The following NSG1 variants were observed in gnomAD, a reference collection of about 807,000 sequenced individuals.
The protein encoded by NSG1 is neuronal vesicle trafficking-associated protein 1.
In NSG1, 9 loss-of-function variants were observed where a neutral mutation model predicts 19.3. The observed-to-expected ratio is 0.47, with a 90% CI of 0.28 to 0.81. The LOEUF is 0.81. NSG1 is among the 40% of genes least tolerant of loss of function. The pLI, the probability that NSG1 is intolerant of heterozygous loss-of-function variation, is 0.11. For synonymous variants in NSG1, 104 were observed against 107.0 expected (o/e 0.97, Z 0.17); for missense variants, 236 against 242.4 (o/e 0.97, Z 0.18).
chr4:4,396,557 T>C (rs1723259314), intron 3 of NSG1, among the ~76,000 whole-genome samples: 1 of 152,216 alleles, frequency 6.6e-6, no homozygotes, highest in African/African-American at 2.4e-5. Flanking sequence ...CTCGTTAGTC[T>C]GCGTGGTCCC....
At chr4:4,402,378 T>TTTTTTA (rs1723601539) in intron 3 of NSG1, among the ~76,000 whole-genome samples, 1 of 14,802 alleles carries the variant, frequency 6.8e-5, no homozygotes, top group African/African-American at 2.8e-4. Context: ...GTTATTTTTT[T>TTTTTTA]TTTTTTTTTT....
intron 4 of NSG1, among the ~76,000 whole-genome samples, chr4:4,416,557 G>A (rs1724556505): frequency 1.3e-5 from 2 of 152,144 alleles, no homozygotes; most frequent in Non-Finnish European, 2.9e-5. Context: ...CCCCGGCCCT[G>A]CCTGAACCAC....
At chr4:4,390,006 T>C (rs970218950) in intron 2 of NSG1, among the ~76,000 whole-genome samples, 3 of 152,202 alleles carry the variant, frequency 2.0e-5, no homozygotes, top group African/African-American at 7.2e-5. Flanking sequence ...CCTAGCCTGT[T>C]AGTGGCAGGT....
chr4:4,397,318 C>T (rs1465064848), intron 3 of NSG1, among the ~76,000 whole-genome samples: 4 of 152,254 alleles, frequency 2.6e-5, no homozygotes, highest in East Asian at 3.9e-4. Flanking sequence ...AGCACTGTCT[C>T]GTTCCCTGTT....
intron 3 of NSG1, among the ~76,000 whole-genome samples, chr4:4,403,547 T>C (rs1394860204): frequency 6.6e-6 from 1 of 152,194 alleles, no homozygotes; most frequent in Non-Finnish European, 1.5e-5. Context: ...CACCTGTGAT[T>C]ACCTTTAGAG....
At chr4:4,408,553 T>A (rs4566594) in intron 3 of NSG1, among the ~76,000 whole-genome samples, 1 of 152,050 alleles carries the variant, frequency 6.6e-6, no homozygotes, top group Admixed American at 6.5e-5. Context: ...CTCTGCCTCC[T>A]GGGTTCAAGC....
In NSG1 at chr4:4,404,022, G is replaced by A. The variant is rs1723714812; in HGVS notation, c.247-5551G>A. On this transcript the variant is annotated intron_variant, in intron 3 of 4. Transcript: ENST00000621129. ...ACTTGCTATGCCGCTATCGCTACTT[G>A]GAGTGGAGTCCAGATGATGGGGACA... 2.0e-5 allele frequency among the ~76,000 whole-genome samples: 3 copies of A among 152,190 alleles called. No individual in the cohort carries two copies. In the South Asian group the frequency reaches 6.2e-4, roughly 31 times the overall value.
intron 1 of NSG1, 43 bp from the exon 2 acceptor site, chr4:4,387,561 C>CCGGGGGTGGGGGG: frequency 2.6e-6 from 3 of 1,141,984 alleles, no homozygotes; most frequent in East Asian, 2.7e-5. Flanking sequence ...CGCCCCGCCC[C>CCGGGGGTGGGGGG]GGGTCTTGCT....
intron 3 of NSG1, among the ~76,000 whole-genome samples, chr4:4,395,611 C>G (rs11733735): frequency 0.83 from 126,033 of 151,954 alleles, 52,558 homozygotes; most frequent in East Asian, 0.97. Flanking sequence ...GGAGGGTCCG[C>G]AATAGAGATT....
intron 3 of NSG1, among the ~76,000 whole-genome samples, chr4:4,404,887 C>T (rs919119361): frequency 6.6e-6 from 1 of 151,832 alleles, no homozygotes; most frequent in Non-Finnish European, 1.5e-5. Context: ...CTGGCCAGGG[C>T]TTTGAAGGGC....
chr4:4,411,254 C>T (rs1311316593), intron 4 of NSG1, among the ~76,000 whole-genome samples: 1 of 152,214 alleles, frequency 6.6e-6, no homozygotes, highest in Non-Finnish European at 1.5e-5. Context: ...TCTACATGTG[C>T]TTTTTCTATT....
Position 4,417,482 on chromosome 4 carries a change from G to T in NSG1, c.*47G>T. ...AATGTGTCACTTGCAAATAACAAAG[G>T]GACTTTGAGGGACATTTCATTAAAT... On this transcript the variant is annotated 3_prime_UTR_variant, in exon 5 of 5. Coordinates refer to ENST00000621129, the MANE Select transcript of NSG1 (RefSeq NM_014392.5). 6.7e-7 allele frequency: 1 copy of T among 1,497,754 alleles called. No homozygotes were observed. Among genetic ancestry groups the T allele is most frequent in the Non-Finnish European group, 9.3e-7 (1 of 1,075,954 alleles). 92.8% of individuals were successfully genotyped at this position (1,497,754 alleles called of 1,614,324 possible).
chr4:4,407,437 G>A (rs1175230131), intron 3 of NSG1, among the ~76,000 whole-genome samples: 1 of 152,186 alleles, frequency 6.6e-6, no homozygotes, highest in African/African-American at 2.4e-5. Flanking sequence ...GGCGGAGTGC[G>A]AGAGCAGCCT....
chr4:4,402,844 C>T (rs1723641803), intron 3 of NSG1, among the ~76,000 whole-genome samples: 1 of 152,236 alleles, frequency 6.6e-6, no homozygotes, highest in Non-Finnish European at 1.5e-5. Flanking sequence ...CTGCCTGGCC[C>T]ACCTGGAGAA....
At chr4:4,406,130 C>T (rs993312344) in intron 3 of NSG1, among the ~76,000 whole-genome samples, 2 of 152,084 alleles carry the variant, frequency 1.3e-5, no homozygotes, top group African/African-American at 2.4e-5. Context: ...TGGGTTCAAG[C>T]GATTCTCCTG....
At chr4:4,387,832 A>G in intron 2 of NSG1, 74 bp downstream of exon 2, 1 of 1,249,152 alleles carries the variant, frequency 8.0e-7, no homozygotes, top group East Asian at 2.4e-5. Flanking sequence ...CAACAAAAGA[A>G]ACGCGCCGCG....
intron 3 of NSG1, among the ~76,000 whole-genome samples, chr4:4,405,418 C>T (rs1320156183): frequency 6.6e-6 from 1 of 152,150 alleles, no homozygotes; most frequent in South Asian, 2.1e-4. Flanking sequence ...AGGGGCCCAG[C>T]GTGCTCTCAA....
rs958174167 is a variant in NSG1, at chr4:4,417,542, G to T, written c.*107G>T. Reference sequence around the variant, plus strand: ...GATACTTTAGAGGTTACTCATTTACGGTGCAATTGCTTCTGTTTGCTAATG... The same window carrying T: ...GATACTTTAGAGGTTACTCATTTACTGTGCAATTGCTTCTGTTTGCTAATG... On this transcript the variant is annotated 3_prime_UTR_variant, in exon 5 of 5. Coordinates refer to ENST00000621129, the MANE Select transcript of NSG1 (RefSeq NM_014392.5). 2.7e-6 allele frequency: 3 copies of T among 1,113,538 alleles called. No homozygotes were observed. Among genetic ancestry groups the T allele is most frequent in the East Asian group, 5.1e-5 (2 of 39,454 alleles). The allele number at this position is 1,113,538 out of a possible 1,614,324, so 69.0% of individuals were successfully genotyped here. A position where few individuals can be genotyped will look rare whatever the true frequency, so the allele number is the denominator to read the frequency against.
chr4:4,394,358 G>A (rs1184476686), intron 3 of NSG1, among the ~76,000 whole-genome samples: 2 of 152,110 alleles, frequency 1.3e-5, no homozygotes, highest in African/African-American at 2.4e-5. Flanking sequence ...CAGGTACCCC[G>A]GAAGCCTCCC....
Sources: allele counts gnomAD v4.1 joint callset (sites outside exome capture counted in the v4.1 genomes callset), GRCh38; gene constraint gnomAD v4.1.1; transcripts MANE v1.5; gene names NCBI Gene and HGNC (gene_info 2026-07-23, HGNC 2026-07-21).